The following ENDOV variants were observed in gnomAD, a reference collection of about 807,000 sequenced individuals.
ENDOV encodes hEndoV.
A neutral mutation model predicts 39.4 loss-of-function variants in ENDOV; 37 were observed. The ratio of observed to expected loss-of-function variants is 0.94; its 90% CI spans 0.72 to 1.23. ENDOV has a LOEUF of 1.23. Ranked by LOEUF, ENDOV falls within the 50% of genes most tolerant of loss-of-function variation. The probability of loss-of-function intolerance (pLI) is 0.00; values close to 1 mark genes in which losing one functional copy is unlikely to be tolerated. For synonymous variants in ENDOV, 186 were observed against 163.4 expected (o/e 1.14, Z -1.05); for missense variants, 441 against 375.7 (o/e 1.17, Z -1.44).
rs2083020770 is a variant in ENDOV at position 80,428,616 on chromosome 17, G to C, written c.735G>C (p.Glu245Asp). 1.3e-6 allele frequency: 2 copies of C among 1,585,908 alleles called. No individual in the cohort carries two copies. The highest frequency in any genetic ancestry group is 2.7e-5 in the African/African-American group (2 of 74,334). Residue 245 changes from glutamate (E) to aspartate (D), a missense_variant, in exon 8 of 10, where the codon GAG becomes GAC. Transcript: ENST00000518137. ...PVRQADICSR[E>D]HIRKSLGLPG... ...CCCAGGCTGACATCTGCTCCCGAGA[G>C]CACATCCGCAAGTCGCTGGGACTCC...
Position 80,415,682 on chromosome 17 carries a change from A to G in ENDOV, c.89A>G (p.Asp30Gly). 1 of 1,612,262 alleles carries G rather than the reference A, an allele frequency of 6.2e-7. No individual in the cohort carries two copies. The change falls in exon 2 of 10, where the codon GAC (aspartate) becomes GGC (glycine). Residue 30 changes from aspartate to glycine, a missense_variant. Asp to Gly is a moderately conservative substitution (Grantham distance 94). Coordinates refer to ENST00000518137, the MANE Select transcript of ENDOV (RefSeq NM_173627.5). ...GCTCGGCTGAAGGCCCACGTCGTAG[A>G]CCGGGACACCGAGGCGTGGCAGCGA... is the stretch of plus-strand genomic sequence containing the variant. Reference protein sequence around the residue: ...EQARLKAHVVDRDTEAWQRDP... With the variant: ...EQARLKAHVVGRDTEAWQRDP...
chr17:80,429,144 T>G (rs2083097981), intron 8 of ENDOV, among the ~76,000 whole-genome samples: 1 of 152,230 alleles, frequency 6.6e-6, no homozygotes, highest in East Asian at 1.9e-4. Context: ...AGAGTGACAG[T>G]GTGCCTGGCA....
At chr17:80,427,888 C>G in intron 7 of ENDOV, 2 of 1,231,156 alleles carry the variant, frequency 1.6e-6, no homozygotes, top group Non-Finnish European at 2.1e-6. Context: ...TGCCCCACTT[C>G]CCCCATGAAT....
chr17:80,423,250 A>G (rs575060207), intron 4 of ENDOV, among the ~76,000 whole-genome samples: 1 of 152,360 alleles, frequency 6.6e-6, no homozygotes, highest in African/African-American at 2.4e-5. Flanking sequence ...GGAGAGCTGC[A>G]GTATCCCAGC....
intron 9 of ENDOV, among the ~76,000 whole-genome samples, chr17:80,435,485 C>T (rs537520818): frequency 4.6e-5 from 7 of 152,300 alleles, no homozygotes; most frequent in African/African-American, 1.2e-4. Context: ...GACAGGGTCT[C>T]GCTCTGTTGC....
chr17:80,436,449 C>G lies in ENDOV; in HGVS notation c.*306C>G, dbSNP rs1209327811. Reference sequence around the variant, plus strand: ...TTCATCCAGCTGAAGACGGTCCCTTCTAGTCCTAATTTGTTAAGTGTTTTT... The same window carrying G: ...TTCATCCAGCTGAAGACGGTCCCTTGTAGTCCTAATTTGTTAAGTGTTTTT... On this transcript the variant is annotated 3_prime_UTR_variant, in exon 10 of 10. Transcript: ENST00000518137. 5.4e-6 allele frequency: 6 copies of G among 1,114,998 alleles called. No individual in the cohort carries two copies. In the African/African-American group the frequency reaches 9.6e-5, roughly 18 times the overall value. 69.1% of individuals were successfully genotyped at this position (1,114,998 alleles called of 1,614,324 possible).
chr17:80,422,172 T>G lies in ENDOV; in HGVS notation c.364-34T>G, dbSNP rs578076880. On this transcript the variant is annotated intron_variant, in intron 3 of 9. Transcript: ENST00000518137. ...CCTGTCCTGAGGGCCGAGGGGCAGC[T>G]CAGCTGACTGTGACTCTCCCTGTGG... is the stretch of plus-strand genomic sequence containing the variant. The G allele has an allele frequency of 4.3e-6, 7 of 1,613,272 alleles. No homozygotes were observed. The East Asian group carries it at 1.3e-4, about 31-fold the overall frequency.
In ENDOV at chr17:80,422,882, A is replaced by G. The variant is rs144660908; in HGVS notation, c.403+637A>G. On this transcript the variant is annotated intron_variant, in intron 4 of 9. Coordinates refer to ENST00000518137, the MANE Select transcript of ENDOV (RefSeq NM_173627.5). Reference sequence around the variant, plus strand: ...GCCCGGCTAATTTTTTTGTATTTTTAGGAGAGACGGGGTTTCACGTGTTAG... The same window carrying G: ...GCCCGGCTAATTTTTTTGTATTTTTGGGAGAGACGGGGTTTCACGTGTTAG... Among the ~76,000 whole-genome samples the G allele has an allele frequency of 3.2e-3, 481 of 152,170 alleles. 2 individuals carry two copies. The highest frequency in any genetic ancestry group is 4.8e-3 in the Admixed American group (74 of 15,296).
intron 7 of ENDOV, chr17:80,427,582 T>C: frequency 7.4e-6 from 8 of 1,086,746 alleles, no homozygotes; most frequent in Non-Finnish European, 9.1e-6. Context: ...CTTCTTACTG[T>C]TGGGCGTGAG....
Position 80,415,798 on chromosome 17 carries a change from G to A in ENDOV, c.205G>A (p.Val69Met), listed in dbSNP as rs375071073. The A allele has an allele frequency of 2.5e-6, 4 of 1,600,090 alleles. No individual in the cohort carries two copies. Among genetic ancestry groups the A allele is most frequent in the Non-Finnish European group, 3.4e-6 (4 of 1,173,532 alleles). Residue 69 changes from valine to methionine, a missense_variant, in exon 2 of 10, where the codon GTG (valine) becomes ATG (methionine). Physicochemically the swap from Val to Met is conservative, Grantham distance 21. Transcript: ENST00000518137. ...DSVRACASLV[V>M]LSFPELEVVY... is the part of the protein sequence containing the mutation. The stretch of plus-strand genomic sequence containing the variant: ...TGTCCGCGCTTGTGCTTCCCTGGTG[G>A]TGCTCAGCTTCCCTGAGCTCGAGGT...
intron 9 of ENDOV, chr17:80,430,464 GC>G: frequency 2.6e-6 from 3 of 1,134,070 alleles, no homozygotes; most frequent in Non-Finnish European, 3.6e-6. Context: ...CAGGTCCTCA[GC>G]CCCAGCCACA....
intron 9 of ENDOV, chr17:80,433,161 G>A (rs1568257624): frequency 1.9e-6 from 1 of 520,140 alleles, no homozygotes; most frequent in Middle Eastern, 3.2e-4. Flanking sequence ...GCACAGTGTG[G>A]AAGCTGGGCA....
intron 6 of ENDOV, 61 bp downstream of exon 6, chr17:80,425,161 GAC>G: frequency 6.9e-7 from 1 of 1,439,158 alleles, no homozygotes; most frequent in East Asian, 2.4e-5. Context: ...TTTGCAGGCA[GAC>G]ACAGGTGCAT....
At chr17:80,430,669 T>G (rs1394499868) in intron 9 of ENDOV, among the ~76,000 whole-genome samples, 1 of 152,194 alleles carries the variant, frequency 6.6e-6, no homozygotes, top group Non-Finnish European at 1.5e-5. Context: ...CAGTCTGGGC[T>G]GTGGGGCAGG....
At chr17:80,419,809 T>C (rs1247885216) in intron 2 of ENDOV, 11 of 645,158 alleles carry the variant, frequency 1.7e-5, no homozygotes, top group South Asian at 1.2e-4. Context: ...GGATGTGGTC[T>C]ACCCAAGTCC....
Position 80,415,639 on chromosome 17 carries a change from TG to T in ENDOV, c.57-10del. On this transcript the variant is annotated splice_polypyrimidine_tract_variant and intron_variant, in intron 1 of 9. Transcript: ENST00000518137. ...TGACCCCGACCAAGTTTGACGCTTC[TG>T]TCCTCCTAGGGAGCAAGCTCGGCTG... The T allele has an allele frequency of 6.2e-7, 1 of 1,610,964 alleles. No homozygotes were observed.
chr17:80,429,791 G>T lies in ENDOV; in HGVS notation c.798G>T (p.Arg266Ser), dbSNP rs200540042. Residue 266 changes from arginine (R) to serine (S), a missense_variant, in exon 9 of 10, where the codon AGG becomes AGT. Coordinates refer to ENST00000518137, the MANE Select transcript of ENDOV (RefSeq NM_173627.5). ...TCACCAGGAGCCCGAAGGCGCAGAG[G>T]CCAGTGGCATGCCCCAAAGGAGACT... is the stretch of plus-strand genomic sequence containing the variant. The part of the protein sequence containing the change: ...PPTPRSPKAQ[R>S]PVACPKGDSG... 7 of 1,609,676 alleles carry T rather than the reference G, an allele frequency of 4.3e-6. No individual in the cohort carries two copies. Among genetic ancestry groups the T allele is most frequent in the Non-Finnish European group, 5.9e-6 (7 of 1,178,776 alleles).
In ENDOV at chr17:80,433,207, G is replaced by A. The variant is rs376066025; in HGVS notation, c.839-2926G>A. ...AGATCCCACTGTCTCTTCCAGGCTGGCCTTGAGCAAAGCTCAAAACGCATC... is the reference window on the plus strand; with the variant it reads ...AGATCCCACTGTCTCTTCCAGGCTGACCTTGAGCAAAGCTCAAAACGCATC... On this transcript the variant is annotated intron_variant, in intron 9 of 9. Transcript: ENST00000518137. 5.8e-6 allele frequency: 3 copies of A among 519,942 alleles called. No homozygotes were observed. The African/African-American group carries it at 5.8e-5, about 10-fold the overall frequency. 32.2% of individuals were successfully genotyped at this position (519,942 alleles called of 1,614,324 possible).
At chr17:80,433,006 G>A in intron 9 of ENDOV, 2 of 432,890 alleles carry the variant, frequency 4.6e-6, no homozygotes, top group Admixed American at 4.9e-5. Context: ...GGACCCTTGG[G>A]AGGCTCAGCA....
Sources: gnomAD v4.1 joint callset for allele counts (sites outside exome capture counted in the v4.1 genomes callset) on GRCh38, gnomAD v4.1.1 for gene constraint, MANE v1.5 for transcripts, NCBI Gene and HGNC (gene_info 2026-07-23, HGNC 2026-07-21) for gene names.